GMDS: variants seen among roughly 807,000 people sequenced by gnomAD.
GMDS encodes GDP-mannose 4,6 dehydratase.
Under a neutral mutation model 49.9 loss-of-function variants are expected in GMDS, and 20 were observed. The ratio of observed to expected loss-of-function variants is 0.40; its 90% CI spans 0.28 to 0.58. The LOEUF is 0.58. Ranked by LOEUF, GMDS falls within the 20% of genes least tolerant of loss-of-function variation. The pLI is 0.42. For synonymous variants in GMDS, 177 were observed against 178.6 expected, an observed-to-expected ratio of 0.99 and a Z score of 0.07; for missense variants, 362 against 481.4, an observed-to-expected ratio of 0.75 and a Z score of 2.32.
chr6:1,996,626 C>T (rs1766299364), intron 4 of GMDS, among the ~76,000 whole-genome samples: 1 of 152,118 alleles, frequency 6.6e-6, no homozygotes. Flanking sequence ...ACTCTTGGTA[C>T]AAAATGGTTG....
At chr6:2,188,879 G>A (rs1778893961) in intron 1 of GMDS, among the ~76,000 whole-genome samples, 1 of 152,158 alleles carries the variant, frequency 6.6e-6, no homozygotes, top group Non-Finnish European at 1.5e-5. Flanking sequence ...GTGGGCCCTG[G>A]AGAAAGATCA....
intron 7 of GMDS, among the ~76,000 whole-genome samples, chr6:1,794,825 T>A (rs974637300): frequency 6.6e-5 from 10 of 152,124 alleles, no homozygotes; most frequent in African/African-American, 2.4e-4. Context: ...CTAGATTAAA[T>A]GTATTTAAAA....
At chr6:1,882,794 G>C (rs758136980) in intron 7 of GMDS, among the ~76,000 whole-genome samples, 4 of 152,282 alleles carry the variant, frequency 2.6e-5, no homozygotes, top group Non-Finnish European at 5.9e-5. Context: ...ATAAGGATAA[G>C]GCAACATGAC....
intron 4 of GMDS, among the ~76,000 whole-genome samples, chr6:2,044,605 T>G (rs1222041063): frequency 6.6e-6 from 1 of 152,116 alleles, no homozygotes; most frequent in East Asian, 1.9e-4. Flanking sequence ...GAAAAATAAC[T>G]CATGGGTACT....
rs924620337 is a variant in GMDS, at chr6:1,718,161, T to C, written c.987+8255A>G. ...CACTCTTTTTCCCCCCTAGAAATGCTCCTTCAGGGAGTTTATGTATGTCAG... is the reference window on the plus strand; with the variant it reads ...CACTCTTTTTCCCCCCTAGAAATGCCCCTTCAGGGAGTTTATGTATGTCAG... On this transcript the variant is annotated intron_variant, in intron 9 of 10. Coordinates refer to ENST00000380815, the MANE Select transcript of GMDS (RefSeq NM_001500.4). 4.6e-5 allele frequency among the ~76,000 whole-genome samples: 7 copies of C among 152,240 alleles called. No homozygotes were observed. In the East Asian group the frequency reaches 7.7e-4, roughly 17 times the overall value.
At chr6:2,174,507 G>A (rs2127557010) in intron 1 of GMDS, among the ~76,000 whole-genome samples, 1 of 152,216 alleles carries the variant, frequency 6.6e-6, no homozygotes, top group East Asian at 1.9e-4. Context: ...GACAATCAAA[G>A]AATAGCCACA....
chr6:2,114,648 G>A (rs1774741274), intron 4 of GMDS, among the ~76,000 whole-genome samples: 1 of 152,186 alleles, frequency 6.6e-6, no homozygotes. Flanking sequence ...AGCACAGGCA[G>A]ATATGAGGTA....
intron 7 of GMDS, among the ~76,000 whole-genome samples, chr6:1,923,029 A>T (rs1441019272): frequency 6.6e-6 from 1 of 152,170 alleles, no homozygotes; most frequent in East Asian, 1.9e-4. Flanking sequence ...AACCCCTTTC[A>T]CTTGGCTCTC....
At chr6:2,224,112 G>A (rs560455894) in intron 1 of GMDS, among the ~76,000 whole-genome samples, 5 of 152,276 alleles carry the variant, frequency 3.3e-5, no homozygotes, top group African/African-American at 1.2e-4. Context: ...TAATTTAGAA[G>A]ATCTTATATA....
chr6:1,870,112 G>A (rs1329405188), intron 7 of GMDS, among the ~76,000 whole-genome samples: 1 of 152,224 alleles, frequency 6.6e-6, no homozygotes, highest in Non-Finnish European at 1.5e-5. Context: ...GCTGGCGTCT[G>A]CCAGCACGGT....
chr6:1,840,769 G>A (rs1341175224), intron 7 of GMDS, among the ~76,000 whole-genome samples: 1 of 152,164 alleles, frequency 6.6e-6, no homozygotes, highest in Non-Finnish European at 1.5e-5. Context: ...ATGTGACTCT[G>A]CTAGACTTAA....
At chr6:2,201,457 C>G (rs1402808046) in intron 1 of GMDS, among the ~76,000 whole-genome samples, 4 of 104,706 alleles carry the variant, frequency 3.8e-5, no homozygotes, top group Admixed American at 3.0e-4. Flanking sequence ...GCACCACATG[C>G]ACATCTGAGA....
chr6:2,100,662 T>A (rs1387798750), intron 4 of GMDS, among the ~76,000 whole-genome samples: 2 of 152,016 alleles, frequency 1.3e-5, no homozygotes, highest in Non-Finnish European at 2.9e-5. Context: ...ACAAAATCTA[T>A]ATCACTGACG....
rs1167985861 is a variant in GMDS, at chr6:1,999,192, CAT to C, written c.346-38228_346-38227del. 1.1e-4 allele frequency among the ~76,000 whole-genome samples: 16 copies of C among 151,814 alleles called. No individual in the cohort carries two copies. The East Asian group carries it at 3.1e-3, about 29-fold the overall frequency. ...CAAAAATTAGCAGGGCGTGGTGGTG[CAT>C]GCCTGTAATTCCAGCTACTTGGGAG... is the stretch of plus-strand genomic sequence containing the variant. On this transcript the variant is annotated intron_variant, in intron 4 of 10. Transcript: ENST00000380815.
chr6:2,058,649 T>G (rs1003488714), intron 4 of GMDS, among the ~76,000 whole-genome samples: 6 of 152,148 alleles, frequency 3.9e-5, no homozygotes, highest in African/African-American at 1.4e-4. Flanking sequence ...GGGAGCAATG[T>G]GTGGAATAGC....
chr6:1,793,459 A>G (rs1480626395), intron 7 of GMDS, among the ~76,000 whole-genome samples: 3 of 152,238 alleles, frequency 2.0e-5, no homozygotes, highest in African/African-American at 7.2e-5. Context: ...TCTTTCAAGA[A>G]GTTCATGAAC....
At chr6:1,642,757 G>A (rs1303630139) in intron 9 of GMDS, among the ~76,000 whole-genome samples, 2 of 152,216 alleles carry the variant, frequency 1.3e-5, no homozygotes, top group African/African-American at 4.8e-5. Context: ...GGGCAGCTGT[G>A]CTGGTCCCAT....
intron 4 of GMDS, among the ~76,000 whole-genome samples, chr6:2,110,190 C>T (rs186549161): frequency 5.3e-5 from 8 of 152,164 alleles, no homozygotes; most frequent in East Asian, 3.9e-4. Context: ...TTTCACCAAC[C>T]GCCCTTCCCC....
chr6:2,056,513 T>C (rs1185037509), intron 4 of GMDS, among the ~76,000 whole-genome samples: 1 of 152,176 alleles, frequency 6.6e-6, no homozygotes, highest in East Asian at 1.9e-4. Flanking sequence ...TGCTGTGAGA[T>C]ACAAAATGTG....
Sources: gnomAD v4.1 joint callset for allele counts (sites outside exome capture counted in the v4.1 genomes callset) on GRCh38, gnomAD v4.1.1 for gene constraint, MANE v1.5 for transcripts, NCBI Gene and HGNC (gene_info 2026-07-23, HGNC 2026-07-21) for gene names.